The following CCNY variants were observed in gnomAD, a reference collection of about 807,000 sequenced individuals.
CCNY encodes the protein cyclin Y.
A neutral mutation model predicts 42.8 loss-of-function variants in CCNY; 19 were observed. The observed-to-expected ratio is 0.44, with a 90% CI of 0.31 to 0.65. The LOEUF is 0.65. Ranked by LOEUF, CCNY falls within the 30% of genes least tolerant of loss-of-function variation. The probability of loss-of-function intolerance (pLI) is 0.07; values close to 1 mark genes in which losing one functional copy is unlikely to be tolerated. For synonymous variants in CCNY, 165 were observed against 162.7 expected (o/e 1.01, Z -0.11); for missense variants, 370 against 437.3 (o/e 0.85, Z 1.37).
chr10:35,429,544 A>G (rs1374456541), intron 1 of CCNY, among the ~76,000 whole-genome samples: 1 of 152,214 alleles, frequency 6.6e-6, no homozygotes, highest in Non-Finnish European at 1.5e-5. Context: ...GGTTTGTGAT[A>G]GTAGGCAAAT....
At chr10:35,511,303 C>T (rs184869007) in intron 3 of CCNY, among the ~76,000 whole-genome samples, 6 of 152,220 alleles carry the variant, frequency 3.9e-5, no homozygotes, top group African/African-American at 7.2e-5. Context: ...GTCTAGACCC[C>T]GGAGACATAT....
In CCNY at chr10:35,388,155, C is replaced by T. The variant is rs550324091; in HGVS notation, c.154+50948C>T. ...GCTCTGGCCCCAGGCCAGGGGTGGGCTGTCTTCTGCAGCCTTTCCTGGTAT... is the reference window on the plus strand; with the variant it reads ...GCTCTGGCCCCAGGCCAGGGGTGGGTTGTCTTCTGCAGCCTTTCCTGGTAT... On this transcript the variant is annotated intron_variant, in intron 1 of 9. Coordinates refer to ENST00000374704, the MANE Select transcript of CCNY (RefSeq NM_145012.6). Among the ~76,000 whole-genome samples, 14 of 152,340 alleles carry T rather than the reference C, an allele frequency of 9.2e-5. No homozygotes were observed. In the South Asian group the frequency reaches 2.9e-3, roughly 32 times the overall value.
At position 35,431,804 on chromosome 10, in the gene CCNY, C is replaced by A. The variant is rs147177411; in HGVS notation, c.155-51600C>A. 2.4e-3 allele frequency among the ~76,000 whole-genome samples: 359 copies of A among 152,118 alleles called. 1 individual carries two copies. The highest frequency in any genetic ancestry group is 8.1e-3 in the African/African-American group (337 of 41,526). ...CGGTTCCACCACTCACAGGGTGTGG[C>A]CTTCTTAGGTTGGTTACTTAGCCTC... On this transcript the variant is annotated intron_variant, in intron 1 of 9. Transcript: ENST00000374704.
At chr10:35,265,611 G>A (rs561720107) in intron 3 of CCNY, among the ~76,000 whole-genome samples, 2 of 152,360 alleles carry the variant, frequency 1.3e-5, no homozygotes, top group East Asian at 3.9e-4. Context: ...AGAGGCCCAC[G>A]CCAAGCGCCT....
intron 8 of CCNY, among the ~76,000 whole-genome samples, chr10:35,554,909 G>T (rs1841332434): frequency 6.6e-6 from 1 of 152,208 alleles, no homozygotes. Flanking sequence ...GTGTGGAGGA[G>T]ATGCCTTTTG....
intron 1 of CCNY, among the ~76,000 whole-genome samples, chr10:35,427,704 A>C (rs1838300112): frequency 6.6e-6 from 1 of 152,274 alleles, no homozygotes; most frequent in East Asian, 1.9e-4. Context: ...GTAGGTCACA[A>C]GGAAGTTGAA....
intron 1 of CCNY, among the ~76,000 whole-genome samples, chr10:35,480,013 A>G (rs1326335720): frequency 1.3e-5 from 2 of 151,184 alleles, no homozygotes; most frequent in Admixed American, 1.3e-4. Context: ...TTTGTTCCCC[A>G]AGGAGGTAGA....
At chr10:35,282,799 T>C (rs1386196268) in intron 3 of CCNY, among the ~76,000 whole-genome samples, 3 of 151,736 alleles carry the variant, frequency 2.0e-5, no homozygotes, top group Non-Finnish European at 4.4e-5. Flanking sequence ...GTGCATGTTG[T>C]TCTGTACTCG....
At chr10:35,324,725 T>A (rs1034968761) in intron 3 of CCNY, among the ~76,000 whole-genome samples, 14 of 152,244 alleles carry the variant, frequency 9.2e-5, no homozygotes, top group Admixed American at 2.6e-4. Flanking sequence ...GAATTTTTTT[T>A]AATTATAGAG....
intron 3 of CCNY, among the ~76,000 whole-genome samples, chr10:35,309,121 AG>A (rs1300016763): frequency 6.6e-6 from 1 of 152,238 alleles, no homozygotes; most frequent in Non-Finnish European, 1.5e-5. Flanking sequence ...TTTGAGAATC[AG>A]CCATGCAGAG....
At chr10:35,355,639 T>C (rs1445922766) in intron 1 of CCNY, among the ~76,000 whole-genome samples, 2 of 125,310 alleles carry the variant, frequency 1.6e-5, no homozygotes, top group Admixed American at 1.1e-4. Flanking sequence ...TATTGCGCCA[T>C]TGCACTCCAG....
intron 1 of CCNY, among the ~76,000 whole-genome samples, chr10:35,371,501 T>C (rs1180387123): frequency 6.6e-6 from 1 of 152,198 alleles, no homozygotes; most frequent in East Asian, 1.9e-4. Flanking sequence ...GACCTTCCCT[T>C]GTATGTGAGG....
chr10:35,291,986 C>T (rs1242532943), intron 3 of CCNY, among the ~76,000 whole-genome samples: 3 of 152,164 alleles, frequency 2.0e-5, no homozygotes, highest in Non-Finnish European at 4.4e-5. Context: ...ATGTTACATT[C>T]CCACCAGTAG....
rs1836046648 is a variant in CCNY at position 35,336,879 on chromosome 10, C to G, written c.-175C>G. 1 of 178,744 alleles carries G rather than the reference C, an allele frequency of 5.6e-6. No homozygotes were observed. The highest frequency in any genetic ancestry group is 1.0e-5 in the Non-Finnish European group (1 of 97,952). 11.1% of individuals were successfully genotyped at this position (178,744 alleles called of 1,614,324 possible). A position where few individuals can be genotyped will look rare whatever the true frequency, so the allele number is the denominator to read the frequency against. ...CGCCGCCGCCGCCCATGGCGAGGCC[C>G]CGCCGCCGCCGCCGCTGCTGACCCG... On this transcript the variant is annotated 5_prime_UTR_variant, in exon 1 of 10. Transcript: ENST00000374704.
intron 1 of CCNY, among the ~76,000 whole-genome samples, chr10:35,409,818 G>A (rs1439275550): frequency 6.6e-6 from 1 of 152,120 alleles, no homozygotes; most frequent in Non-Finnish European, 1.5e-5. Context: ...GCAGTAGCAT[G>A]ATCACGGCAC....
intron 7 of CCNY, among the ~76,000 whole-genome samples, chr10:35,533,811 T>C (rs1840821614): frequency 6.6e-6 from 1 of 152,224 alleles, no homozygotes; most frequent in African/African-American, 2.4e-5. Context: ...TGTGGTTTAC[T>C]ACAATACGAC....
intron 1 of CCNY, among the ~76,000 whole-genome samples, chr10:35,407,790 G>C (rs190326512): frequency 0.032 from 4,831 of 152,168 alleles, 87 homozygotes; most frequent in South Asian, 0.052. Flanking sequence ...CACGGAGAAG[G>C]GGGGTGGGGA....
upstream of CCNY, among the ~76,000 whole-genome samples, chr10:35,331,830 C>G (rs574593054): frequency 1.3e-5 from 2 of 152,114 alleles, no homozygotes; most frequent in Non-Finnish European, 2.9e-5. Flanking sequence ...TATTTATAGG[C>G]GGCAGGCTTT....
chr10:35,515,545 G>C (rs1840410208), intron 3 of CCNY, among the ~76,000 whole-genome samples: 1 of 152,196 alleles, frequency 6.6e-6, no homozygotes, highest in Non-Finnish European at 1.5e-5. Flanking sequence ...CCCAGGGTGT[G>C]TTGCAGGCGG....
Sources: allele counts gnomAD v4.1 joint callset (sites outside exome capture counted in the v4.1 genomes callset), GRCh38; gene constraint gnomAD v4.1.1; transcripts MANE v1.5; gene names NCBI Gene and HGNC (gene_info 2026-07-23, HGNC 2026-07-21).